The following LRRC4C variants were observed in gnomAD, a reference collection of about 807,000 sequenced individuals.
LRRC4C encodes the protein leucine-rich repeat-containing protein 4C.
A neutral mutation model predicts 33.6 loss-of-function variants in LRRC4C; 5 were observed. The observed-to-expected ratio is 0.15, with a 90% confidence interval of 0.08 to 0.31. The LOEUF (loss-of-function observed/expected upper bound fraction) is 0.31, where lower values mean the gene tolerates loss of function less well. Ranked by LOEUF, LRRC4C falls within the 10% of genes least tolerant of loss-of-function variation. LRRC4C has a pLI of 1.00. For synonymous variants in LRRC4C, 329 were observed against 302.0 expected, an observed-to-expected ratio of 1.09 and a Z score of -0.93; for missense variants, 560 against 796.7, an observed-to-expected ratio of 0.70 and a Z score of 3.58.
At chr11:41,117,067 G>A (rs1277910122) in intron 1 of LRRC4C, among the ~76,000 whole-genome samples, 1 of 152,088 alleles carries the variant, frequency 6.6e-6, no homozygotes, top group African/African-American at 2.4e-5. Context: ...TGGAACACTG[G>A]CAGCCCAGTG....
chr11:40,578,313 A>G (rs1958312050), intron 3 of LRRC4C, among the ~76,000 whole-genome samples: 1 of 151,594 alleles, frequency 6.6e-6, no homozygotes, highest in Non-Finnish European at 1.5e-5. Context: ...AGGTGTCAGG[A>G]TATTTTTGTC....
chr11:40,463,491 C>T (rs1565414081), intron 3 of LRRC4C, among the ~76,000 whole-genome samples: 1 of 151,884 alleles, frequency 6.6e-6, no homozygotes, highest in Non-Finnish European at 1.5e-5. Flanking sequence ...GTAGATAAGA[C>T]AGAAATATCG....
intron 2 of LRRC4C, among the ~76,000 whole-genome samples, chr11:40,694,678 T>G (rs2136429301): frequency 6.6e-6 from 1 of 152,298 alleles, no homozygotes; most frequent in South Asian, 2.1e-4. Flanking sequence ...TAGGCTAATG[T>G]GGACAGTCTG....
intron 2 of LRRC4C, among the ~76,000 whole-genome samples, chr11:40,794,701 G>A (rs1252840042): frequency 1.3e-5 from 2 of 152,154 alleles, no homozygotes; most frequent in African/African-American, 4.8e-5. Context: ...ATTCCTATGA[G>A]TAATACTGAT....
intron 1 of LRRC4C, among the ~76,000 whole-genome samples, chr11:41,272,625 G>C (rs960807750): frequency 6.6e-6 from 1 of 152,004 alleles, no homozygotes; most frequent in African/African-American, 2.4e-5. Flanking sequence ...TTCATAGCAC[G>C]TATTAAAAAA....
At chr11:40,770,684 G>A (rs186835081) in intron 2 of LRRC4C, among the ~76,000 whole-genome samples, 16 of 152,310 alleles carry the variant, frequency 1.1e-4, no homozygotes. Context: ...TATAATGAGG[G>A]TATAGGTACT....
chr11:41,215,001 A>AT (rs1239802897), intron 1 of LRRC4C, among the ~76,000 whole-genome samples: 1 of 130,400 alleles, frequency 7.7e-6, no homozygotes, highest in Non-Finnish European at 1.6e-5. Context: ...CTCAATTTCT[A>AT]TTTTTTATTC....
At chr11:40,958,422 A>G (rs191318660) in intron 1 of LRRC4C, among the ~76,000 whole-genome samples, 27 of 151,912 alleles carry the variant, frequency 1.8e-4, no homozygotes, top group Non-Finnish European at 1.0e-4. Context: ...TTTGATAATA[A>G]TCATAAAGAC....
chr11:40,502,667 A>G (rs1954836230), intron 3 of LRRC4C, among the ~76,000 whole-genome samples: 1 of 152,284 alleles, frequency 6.6e-6, no homozygotes, highest in African/African-American at 2.4e-5. Flanking sequence ...TGGGAGTACA[A>G]TTCAAGATGA....
At chr11:40,964,828 C>T (rs1380075861) in intron 1 of LRRC4C, among the ~76,000 whole-genome samples, 1 of 151,848 alleles carries the variant, frequency 6.6e-6, no homozygotes, top group Admixed American at 6.6e-5. Flanking sequence ...CCACAATAAA[C>T]ATGCGTGTGC....
At chr11:41,260,892 G>A (rs1162704470) in intron 1 of LRRC4C, among the ~76,000 whole-genome samples, 7 of 152,046 alleles carry the variant, frequency 4.6e-5, no homozygotes, top group Admixed American at 1.3e-4. Flanking sequence ...GTATGTATAA[G>A]ACATTATTAG....
chr11:40,151,221 C>T (rs1412105120), intron 5 of LRRC4C, among the ~76,000 whole-genome samples: 1 of 152,196 alleles, frequency 6.6e-6, no homozygotes, highest in Non-Finnish European at 1.5e-5. Context: ...CTAATTCCCA[C>T]TCCAATGCAG....
intron 3 of LRRC4C, among the ~76,000 whole-genome samples, chr11:40,507,427 T>C (rs550885553): frequency 4.1e-5 from 6 of 146,274 alleles, no homozygotes; most frequent in African/African-American, 1.5e-4. Context: ...AAATTAAAAC[T>C]TTTTTTTAAC....
chr11:40,723,821 T>G (rs10837485), intron 2 of LRRC4C, among the ~76,000 whole-genome samples: 85,876 of 151,848 alleles, frequency 0.57, 24,566 homozygotes, highest in African/African-American at 0.64. Flanking sequence ...CGGCAAATAG[T>G]ATTAAAAAAC....
intron 3 of LRRC4C, among the ~76,000 whole-genome samples, chr11:40,383,284 A>G (rs576881287): frequency 2.0e-5 from 3 of 152,182 alleles, no homozygotes; most frequent in Admixed American, 6.5e-5. Context: ...GGTTGTTTCC[A>G]TATCTTGACT....
chr11:40,214,630 C>G (rs1355887821), intron 5 of LRRC4C, among the ~76,000 whole-genome samples: 1 of 152,160 alleles, frequency 6.6e-6, no homozygotes, highest in Non-Finnish European at 1.5e-5. Flanking sequence ...CACTCTCTCC[C>G]TGCTGTGTAA....
chr11:40,445,771 T>C (rs1305426485), intron 3 of LRRC4C: 2 of 152,250 alleles, frequency 1.3e-5, no homozygotes, highest in Non-Finnish European at 2.9e-5. Context: ...CCTGTGTTAA[T>C]GAGTGGATGC....
chr11:41,371,867 G>T (rs910127223), intron 1 of LRRC4C, among the ~76,000 whole-genome samples: 1 of 152,226 alleles, frequency 6.6e-6, no homozygotes, highest in Non-Finnish European at 1.5e-5. Context: ...CGGGCGCGGT[G>T]GCTCATGCCT....
intron 1 of LRRC4C, among the ~76,000 whole-genome samples, chr11:41,216,524 C>T (rs901843371): frequency 6.6e-5 from 10 of 151,286 alleles, no homozygotes; most frequent in Non-Finnish European, 1.5e-4. Context: ...GCTTTTCTAA[C>T]AGCCCAGTGT....
Sources: allele counts gnomAD v4.1 joint callset (sites outside exome capture counted in the v4.1 genomes callset), GRCh38; gene constraint gnomAD v4.1.1; transcripts MANE v1.5; gene names NCBI Gene and HGNC (gene_info 2026-07-23, HGNC 2026-07-21).